The following ZZZ3 variants were observed in gnomAD, a reference collection of about 807,000 sequenced individuals.
ZZZ3 encodes the protein ZZ-type zinc finger-containing protein 3.
Under a neutral mutation model 95.2 loss-of-function variants are expected in ZZZ3, and 22 were observed. That is an observed-to-expected ratio of 0.23 (90% CI 0.17 to 0.33). The LOEUF (loss-of-function observed/expected upper bound fraction) is 0.33. ZZZ3 is among the 10% of genes least tolerant of loss of function. The probability of loss-of-function intolerance (pLI) is 1.00; values close to 1 mark genes in which losing one functional copy is unlikely to be tolerated. For synonymous variants in ZZZ3, 335 were observed against 358.9 expected (o/e 0.93, Z 0.75); for missense variants, 885 against 1,066.5 (o/e 0.83, Z 2.37).
intron 1 of ZZZ3, among the ~76,000 whole-genome samples, chr1:77,671,798 C>T (rs1202692005): frequency 6.6e-6 from 1 of 152,140 alleles, no homozygotes; most frequent in Admixed American, 6.6e-5. Context: ...ATACAAACCA[C>T]CTATGAATCT....
At chr1:77,611,075 G>A (rs1356838432) in intron 5 of ZZZ3, among the ~76,000 whole-genome samples, 1 of 151,472 alleles carries the variant, frequency 6.6e-6, no homozygotes, top group Admixed American at 6.6e-5. Context: ...AAACCCTAAA[G>A]ACTCTACCCA....
intron 1 of ZZZ3, among the ~76,000 whole-genome samples, chr1:77,647,786 C>T (rs1459744119): frequency 6.6e-6 from 1 of 152,142 alleles, no homozygotes; most frequent in Non-Finnish European, 1.5e-5. Context: ...TCAGGAACAA[C>T]TGGTTAACCT....
chr1:77,605,581 T>C (rs1430762902), intron 5 of ZZZ3, among the ~76,000 whole-genome samples: 1 of 152,130 alleles, frequency 6.6e-6, no homozygotes, highest in Non-Finnish European at 1.5e-5. Flanking sequence ...GTGACCCCTT[T>C]CTTTCACTTG....
At chr1:77,677,101 G>A (rs1672333036) in intron 1 of ZZZ3, 1 of 152,216 alleles carries the variant, frequency 6.6e-6, no homozygotes, top group Admixed American at 6.5e-5. Context: ...CACTTTGGGA[G>A]GCCGAGGTAA....
At chr1:77,575,324 T>C (rs547246419) in intron 12 of ZZZ3, among the ~76,000 whole-genome samples, 1 of 152,228 alleles carries the variant, frequency 6.6e-6, no homozygotes, top group Non-Finnish European at 1.5e-5. Context: ...GAAGAAATGA[T>C]AGCATAATCA....
intron 1 of ZZZ3, among the ~76,000 whole-genome samples, chr1:77,676,414 C>CA (rs1490002581): frequency 6.6e-6 from 1 of 152,214 alleles, no homozygotes; most frequent in Non-Finnish European, 1.5e-5. Context: ...GCGATCCTTC[C>CA]ACCTCAGCTT....
intron 5 of ZZZ3, among the ~76,000 whole-genome samples, chr1:77,593,204 G>A (rs1187021175): frequency 1.3e-5 from 2 of 152,110 alleles, no homozygotes; most frequent in African/African-American, 4.8e-5. Context: ...ATCTCAGTTT[G>A]GAATTAATTA....
intron 5 of ZZZ3, among the ~76,000 whole-genome samples, chr1:77,586,386 T>C (rs1393241872): frequency 6.6e-6 from 1 of 152,160 alleles, no homozygotes; most frequent in Non-Finnish European, 1.5e-5. Flanking sequence ...CAGTAAATGC[T>C]GTAGGTACAG....
intron 5 of ZZZ3, among the ~76,000 whole-genome samples, chr1:77,590,679 G>A (rs2100612369): frequency 6.6e-6 from 1 of 152,330 alleles, no homozygotes; most frequent in African/African-American, 2.4e-5. Flanking sequence ...GGACATTTTT[G>A]CAGATAAATG....
Position 77,576,780 on chromosome 1 carries a change from C to CA in ZZZ3, c.2179-561dup, listed in dbSNP as rs931455706. ...ACTAAAAAAAAAAACAAAAAAACAA[C>CA]AAAAAAAAAATTTCTTGTAATGTTT... On this transcript the variant is annotated intron_variant, in intron 11 of 14. Coordinates refer to ENST00000370801, the MANE Select transcript of ZZZ3 (RefSeq NM_015534.6). Among the ~76,000 whole-genome samples, 242 of 90,886 alleles carry CA rather than the reference C, an allele frequency of 2.7e-3. 4 individuals are homozygous for CA. In the Middle Eastern group the frequency reaches 0.035, roughly 13 times the overall value. The allele number at this position is 90,886 out of a possible 152,430, so 59.6% of individuals were successfully genotyped here. A position where few individuals can be genotyped will look rare whatever the true frequency, so the allele number is the denominator to read the frequency against.
intron 12 of ZZZ3, among the ~76,000 whole-genome samples, chr1:77,569,587 T>C (rs1251473265): frequency 2.6e-5 from 4 of 152,334 alleles, no homozygotes; most frequent in African/African-American, 9.6e-5. Flanking sequence ...CCCAACTCGC[T>C]ATTTCTGGCC....
intron 5 of ZZZ3, among the ~76,000 whole-genome samples, chr1:77,622,983 C>G (rs940096638): frequency 2.0e-5 from 3 of 152,180 alleles, no homozygotes; most frequent in African/African-American, 7.2e-5. Flanking sequence ...ACTAAAATTA[C>G]ATCAGAGACA....
At chr1:77,593,447 G>A (rs1234124355) in intron 5 of ZZZ3, among the ~76,000 whole-genome samples, 2 of 151,980 alleles carry the variant, frequency 1.3e-5, no homozygotes, top group South Asian at 2.1e-4. Flanking sequence ...GATACAGTAC[G>A]GTTCAAAAGC....
At chr1:77,603,381 A>C (rs1342486171) in intron 5 of ZZZ3, among the ~76,000 whole-genome samples, 1 of 152,160 alleles carries the variant, frequency 6.6e-6, no homozygotes, top group Non-Finnish European at 1.5e-5. Context: ...GCCTGGCCCC[A>C]ACTATTAATA....
rs552879739 is a variant in ZZZ3, at chr1:77,615,802, T to C, written c.1505+16048A>G. Among the ~76,000 whole-genome samples, 8 of 152,322 alleles carry C rather than the reference T, an allele frequency of 5.3e-5. No individual in the cohort carries two copies. The South Asian group carries it at 6.2e-4, about 12-fold the overall frequency. ...CAGTAAAGTGAGGTACTGATTCTTA[T>C]AAAGAGGAAAACATTCTATTTGGTT... On this transcript the variant is annotated intron_variant, in intron 5 of 14. Coordinates refer to ENST00000370801, the MANE Select transcript of ZZZ3 (RefSeq NM_015534.6).
At chr1:77,622,521 T>C (rs1446466488) in intron 5 of ZZZ3, among the ~76,000 whole-genome samples, 1 of 152,046 alleles carries the variant, frequency 6.6e-6, no homozygotes, top group Non-Finnish European at 1.5e-5. Flanking sequence ...AAAAAGAACA[T>C]ATTCACCATG....
chr1:77,646,413 G>T (rs573027449), intron 1 of ZZZ3, among the ~76,000 whole-genome samples: 1 of 151,972 alleles, frequency 6.6e-6, no homozygotes, highest in Non-Finnish European at 1.5e-5. Context: ...TAGAGACAGG[G>T]TTTCACACCA....
intron 1 of ZZZ3, among the ~76,000 whole-genome samples, chr1:77,670,277 G>A (rs1000770108): frequency 6.6e-6 from 1 of 151,074 alleles, no homozygotes; most frequent in Non-Finnish European, 1.5e-5. Flanking sequence ...TTTTTTGGGG[G>A]GGGGCAGAGT....
chr1:77,580,737 C>A, intron 9 of ZZZ3: 1 of 289,716 alleles, frequency 3.5e-6, no homozygotes, highest in Non-Finnish European at 6.6e-6. Flanking sequence ...TCAAGCAATT[C>A]TCCTGCCTCA....
Sources: gnomAD v4.1 joint callset for allele counts (sites outside exome capture counted in the v4.1 genomes callset) on GRCh38, gnomAD v4.1.1 for gene constraint, MANE v1.5 for transcripts, NCBI Gene and HGNC (gene_info 2026-07-23, HGNC 2026-07-21) for gene names.